The following TIPIN variants were observed in gnomAD, a reference collection of about 807,000 sequenced individuals.
TIPIN encodes TIMELESS interacting protein.
TIPIN carries 29 observed loss-of-function variants against 35.6 expected under a neutral mutation model. The observed-to-expected ratio is 0.82, with a 90% CI of 0.61 to 1.11. The LOEUF (loss-of-function observed/expected upper bound fraction) is 1.11. Among genes scored for constraint, TIPIN ranks in the 50% most tolerant of loss-of-function variants. The pLI is 0.00. For missense variants in TIPIN, 296 were observed against 345.4 expected, an observed-to-expected ratio of 0.86 and a Z score of 1.13; for synonymous variants, 102 against 121.5, an observed-to-expected ratio of 0.84 and a Z score of 1.06.
Position 66,338,718 on chromosome 15 carries a change from G to A in TIPIN, c.683-1537C>T, listed in dbSNP as rs140129134. ...AGTCCCAGCTACTCGGGAGGCTGAG[G>A]CACGAGAATGGCATGGACACGGGAG... is the stretch of plus-strand genomic sequence containing the variant. On this transcript the variant is annotated intron_variant, in intron 7 of 7. Coordinates refer to ENST00000261881, the MANE Select transcript of TIPIN (RefSeq NM_017858.3). Among the ~76,000 whole-genome samples, 343 of 149,684 alleles carry A rather than the reference G, an allele frequency of 2.3e-3. 1 individual carries two copies. Among genetic ancestry groups the A allele is most frequent in the African/African-American group, 7.7e-3 (309 of 40,354 alleles).
At chr15:66,379,998 CTTTCTTT>C (rs1204615747) in intron 1 of TIPIN, 21 of 313,776 alleles carry the variant, frequency 6.7e-5, no homozygotes, top group Admixed American at 1.2e-4. Context: ...TTCTTTCTTT[CTTTCTTT>C]TTTTTTTTTT....
At chr15:66,375,499 T>TTATATATATATATATA (rs71139487) in intron 1 of TIPIN, among the ~76,000 whole-genome samples, 95 of 132,830 alleles carry the variant, frequency 7.2e-4, no homozygotes, top group South Asian at 5.2e-3. Flanking sequence ...ATTGGAAAAG[T>TTATATATATATATATA]TATATATATA....
chr15:66,379,009 C>T (rs140475468), intron 1 of TIPIN, among the ~76,000 whole-genome samples: 2 of 152,214 alleles, frequency 1.3e-5, no homozygotes, highest in African/African-American at 4.8e-5. Flanking sequence ...ATTCTCTCGT[C>T]TTGGTCTCCC....
chr15:66,360,748 C>T (rs1765364907), upstream of TIPIN, among the ~76,000 whole-genome samples: 1 of 152,154 alleles, frequency 6.6e-6, no homozygotes, highest in Non-Finnish European at 1.5e-5. Flanking sequence ...AGGCAGATCA[C>T]CTGAGATCAA....
chr15:66,357,938 G>A (rs1291845586), upstream of TIPIN, among the ~76,000 whole-genome samples: 1 of 151,594 alleles, frequency 6.6e-6, no homozygotes, highest in African/African-American at 2.4e-5. Flanking sequence ...CCTGGGCGAC[G>A]GAGCAAGACT....
Position 66,337,784 on chromosome 15 carries a change from A to T in TIPIN, c.683-603T>A, listed in dbSNP as rs867814218. Among the ~76,000 whole-genome samples the T allele has an allele frequency of 1.2e-3, 188 of 151,644 alleles. 1 individual carries two copies. Among genetic ancestry groups the T allele is most frequent in the Non-Finnish European group, 2.0e-3 (139 of 67,962 alleles). On this transcript the variant is annotated intron_variant, in intron 7 of 7. Transcript: ENST00000261881. The stretch of plus-strand genomic sequence containing the variant: ...AAAACATCAAAAAAAATAAAATAAA[A>T]AAAAAAATAATTAGCTGGCTATGGT...
intron 1 of TIPIN, among the ~76,000 whole-genome samples, chr15:66,374,030 T>TG (rs1816495912): frequency 6.6e-6 from 1 of 152,186 alleles, no homozygotes; most frequent in African/African-American, 2.4e-5. Context: ...GCCAGAATAG[T>TG]GGACGTAGTA....
intron 7 of TIPIN, among the ~76,000 whole-genome samples, 193 bp downstream of exon 7, chr15:66,340,957 T>C (rs2093082291): frequency 6.6e-6 from 1 of 152,152 alleles, no homozygotes; most frequent in Admixed American, 6.6e-5. Context: ...CTTGGATTCA[T>C]TTATTCTTTA....
chr15:66,360,888 C>A (rs2093228051), upstream of TIPIN, among the ~76,000 whole-genome samples: 1 of 152,128 alleles, frequency 6.6e-6, no homozygotes, highest in Non-Finnish European at 1.5e-5. Flanking sequence ...ATCGCTTGAA[C>A]CCAGGAGGCG....
intron 1 of TIPIN, among the ~76,000 whole-genome samples, chr15:66,375,460 C>A (rs1424642940): frequency 1.6e-4 from 24 of 148,088 alleles, no homozygotes; most frequent in Non-Finnish European, 3.3e-4. Context: ...CAGGCATGAG[C>A]CACGACGCCC....
chr15:66,351,465 G>C (rs2093167309), intron 4 of TIPIN, 60 bp downstream of exon 4: 1 of 1,226,560 alleles, frequency 8.2e-7, no homozygotes. Context: ...GATCATAATG[G>C]GTCCACATTT....
intron 7 of TIPIN, 23 bp from the exon 8 acceptor site, chr15:66,337,204 T>G (rs62625673): frequency 6.3e-7 from 1 of 1,594,174 alleles, no homozygotes; most frequent in East Asian, 2.2e-5. Context: ...ATACCATTAT[T>G]ATTCATTATA....
At chr15:66,352,465 A>AT (rs924643269) in intron 2 of TIPIN, among the ~76,000 whole-genome samples, 2 of 152,022 alleles carry the variant, frequency 1.3e-5, no homozygotes, top group Non-Finnish European at 2.9e-5. Flanking sequence ...CACCCGGCTA[A>AT]TTTTTAAATC....
intron 1 of TIPIN, among the ~76,000 whole-genome samples, chr15:66,381,719 G>GT (rs1308139982): frequency 6.6e-6 from 1 of 152,134 alleles, no homozygotes; most frequent in African/African-American, 2.4e-5. Context: ...CTGAATCAAA[G>GT]TGTGTGAATA....
At chr15:66,366,326 C>T (rs539290310) in intron 1 of TIPIN, among the ~76,000 whole-genome samples, 162 of 151,728 alleles carry the variant, frequency 1.1e-3, no homozygotes, top group Middle Eastern at 3.4e-3. Flanking sequence ...TGGTGGCGGG[C>T]GCCTGTAGTC....
intron 1 of TIPIN, among the ~76,000 whole-genome samples, chr15:66,385,496 CTT>C (rs543148145): frequency 6.8e-6 from 1 of 146,776 alleles, no homozygotes. Flanking sequence ...GATTAAAGTT[CTT>C]TTTTTTTTTG....
At chr15:66,337,286 G>T (rs982435713) in intron 7 of TIPIN, 105 bp from the exon 8 acceptor site, 5 of 759,858 alleles carry the variant, frequency 6.6e-6, no homozygotes, top group Admixed American at 2.8e-5. Flanking sequence ...TGAAGTCTAA[G>T]ATCACTTAAT....
chr15:66,357,824 C>T (rs1239729202), upstream of TIPIN, among the ~76,000 whole-genome samples: 1 of 151,898 alleles, frequency 6.6e-6, no homozygotes, highest in African/African-American at 2.4e-5. Flanking sequence ...GGCGTGGTGG[C>T]GCGCACCTGT....
At chr15:66,346,732 T>C (rs1485403681) in intron 6 of TIPIN, among the ~76,000 whole-genome samples, 1 of 152,136 alleles carries the variant, frequency 6.6e-6, no homozygotes, top group African/African-American at 2.4e-5. Flanking sequence ...ATATACCCAA[T>C]CCTATGCCAT....
Sources: gnomAD v4.1 joint callset for allele counts (sites outside exome capture counted in the v4.1 genomes callset) on GRCh38, gnomAD v4.1.1 for gene constraint, MANE v1.5 for transcripts, NCBI Gene and HGNC (gene_info 2026-07-23, HGNC 2026-07-21) for gene names.